The following CADM1 variants were observed in gnomAD, a reference collection of about 807,000 sequenced individuals.
CADM1 encodes TSLC-1.
Under a neutral mutation model 53.1 loss-of-function variants are expected in CADM1, and 15 were observed. That is an observed-to-expected ratio of 0.28 (90% CI 0.19 to 0.44). The LOEUF is 0.44. CADM1 is among the 20% of genes least tolerant of loss of function. CADM1 has a pLI of 1.00. For synonymous variants in CADM1, 281 were observed against 243.0 expected (o/e 1.16, Z -1.45); for missense variants, 434 against 611.3 (o/e 0.71, Z 3.06).
At chr11:115,462,497 G>A (rs1286348909) in intron 1 of CADM1, among the ~76,000 whole-genome samples, 2 of 152,050 alleles carry the variant, frequency 1.3e-5, no homozygotes, top group Admixed American at 6.5e-5. Flanking sequence ...AAGGTGTACC[G>A]ACATCATCAG....
chr11:115,324,708 A>G (rs2065839567), intron 1 of CADM1, among the ~76,000 whole-genome samples: 1 of 152,204 alleles, frequency 6.6e-6, no homozygotes, highest in African/African-American at 2.4e-5. Flanking sequence ...AGGAATGACC[A>G]ATGGAAGAAA....
At chr11:115,434,290 G>T (rs1012670760) in intron 1 of CADM1, among the ~76,000 whole-genome samples, 5 of 152,138 alleles carry the variant, frequency 3.3e-5, no homozygotes, top group Non-Finnish European at 7.3e-5. Flanking sequence ...TCTAACGAAG[G>T]TATCATACTC....
intron 6 of CADM1, among the ~76,000 whole-genome samples, chr11:115,215,539 T>C (rs1440594505): frequency 1.3e-5 from 2 of 152,156 alleles, no homozygotes; most frequent in African/African-American, 2.4e-5. Flanking sequence ...CTCAGGCTAA[T>C]CACCATGGCA....
intron 1 of CADM1, among the ~76,000 whole-genome samples, chr11:115,466,260 G>C (rs899445116): frequency 6.6e-6 from 1 of 152,204 alleles, no homozygotes; most frequent in African/African-American, 2.4e-5. Context: ...GCTGTGATTA[G>C]AGCATCTTTT....
chr11:115,217,815 G>T lies in CADM1; in HGVS notation c.821+77C>A, dbSNP rs749594354. 5.3e-5 allele frequency: 47 copies of T among 891,960 alleles called. 1 individual carries two copies. The highest frequency in any genetic ancestry group is 6.6e-5 in the African/African-American group (4 of 61,050). The allele number at this position is 891,960 out of a possible 1,614,324, so 55.3% of individuals were successfully genotyped here. ...AGCAGGAGACAGGTGACAGGCCAAGGACTGGTGAATGCACATGTCTGTGTT... is the reference window on the plus strand; with the variant it reads ...AGCAGGAGACAGGTGACAGGCCAAGTACTGGTGAATGCACATGTCTGTGTT... On this transcript the variant is annotated intron_variant, in intron 6 of 11. Coordinates refer to ENST00000331581, the MANE Select transcript of CADM1 (RefSeq NM_001301043.2).
chr11:115,305,900 CAAAAAAAA>C (rs35517673), intron 1 of CADM1, among the ~76,000 whole-genome samples: 1 of 80,816 alleles, frequency 1.2e-5, no homozygotes, highest in East Asian at 3.4e-4. Context: ...GACTCCATCT[CAAAAAAAA>C]AAAAAAAAAA....
chr11:115,414,436 T>G (rs1176626200), intron 1 of CADM1, among the ~76,000 whole-genome samples: 1 of 152,176 alleles, frequency 6.6e-6, no homozygotes, highest in Non-Finnish European at 1.5e-5. Flanking sequence ...TTATATTCTT[T>G]GTAGGTCTCT....
chr11:115,191,310 T>C (rs1429073857), intron 9 of CADM1, among the ~76,000 whole-genome samples: 2 of 152,224 alleles, frequency 1.3e-5, no homozygotes, highest in East Asian at 3.9e-4. Flanking sequence ...TACTGATGTA[T>C]GTACATTTTA....
At chr11:115,248,542 G>A (rs1419401274) in intron 1 of CADM1, among the ~76,000 whole-genome samples, 6 of 152,106 alleles carry the variant, frequency 3.9e-5, no homozygotes, top group African/African-American at 1.4e-4. Flanking sequence ...TATCAAAGAA[G>A]CTAATGGCAA....
chr11:115,428,417 T>C (rs1182472695), intron 1 of CADM1, among the ~76,000 whole-genome samples: 1 of 152,178 alleles, frequency 6.6e-6, no homozygotes, highest in African/African-American at 2.4e-5. Context: ...GGGACTCATT[T>C]ATATAAAAAA....
At chr11:115,279,797 T>A (rs1943540039) in intron 1 of CADM1, among the ~76,000 whole-genome samples, 1 of 152,198 alleles carries the variant, frequency 6.6e-6, no homozygotes, top group Non-Finnish European at 1.5e-5. Flanking sequence ...TAAGCGCAGA[T>A]CTTGCCATGG....
intron 7 of CADM1, among the ~76,000 whole-genome samples, chr11:115,211,925 A>G (rs1940984662): frequency 1.3e-5 from 2 of 151,448 alleles, no homozygotes; most frequent in South Asian, 4.2e-4. Flanking sequence ...ATGAAGACAC[A>G]GACTTCAGAG....
In CADM1 at chr11:115,368,110, C is replaced by CTTTTTT. The variant is rs58589028; in HGVS notation, c.125-127696_125-127691dup. On this transcript the variant is annotated intron_variant, in intron 1 of 11. Coordinates refer to ENST00000331581, the MANE Select transcript of CADM1 (RefSeq NM_001301043.2). ...AAAATGTCTTTATTATCACTAGAGT[C>CTTTTTT]TTTTTTTTTTTTTTTTTTTTTTTTT... Among the ~76,000 whole-genome samples the CTTTTTT allele has an allele frequency of 1.5e-3, 92 of 61,874 alleles. 3 individuals carry two copies. Among genetic ancestry groups the CTTTTTT allele is most frequent in the African/African-American group, 4.5e-3 (67 of 14,770 alleles). The allele number at this position is 61,874 out of a possible 152,430, so 40.6% of individuals were successfully genotyped here.
chr11:115,373,220 T>C (rs904487719), intron 1 of CADM1, among the ~76,000 whole-genome samples: 2 of 152,164 alleles, frequency 1.3e-5, no homozygotes, highest in African/African-American at 4.8e-5. Flanking sequence ...TCAACTTTAC[T>C]GTCAGATGCA....
intron 1 of CADM1, among the ~76,000 whole-genome samples, chr11:115,418,877 A>C (rs1398074754): frequency 1.3e-5 from 2 of 152,192 alleles, no homozygotes; most frequent in African/African-American, 4.8e-5. Context: ...ATATTTACAT[A>C]AACTATATAA....
chr11:115,378,718 T>C (rs1946500817), intron 1 of CADM1, among the ~76,000 whole-genome samples: 1 of 152,150 alleles, frequency 6.6e-6, no homozygotes, highest in East Asian at 1.9e-4. Context: ...CAAATTGCAG[T>C]GTCCATAAAT....
At chr11:115,368,454 C>CTT (rs1290243281) in intron 1 of CADM1, among the ~76,000 whole-genome samples, 11 of 152,088 alleles carry the variant, frequency 7.2e-5, no homozygotes, top group African/African-American at 2.4e-4. Context: ...CATAAGCAAA[C>CTT]ATTCATGAAA....
chr11:115,416,734 C>CACACACACAG (rs776727950), intron 1 of CADM1, among the ~76,000 whole-genome samples: 1 of 149,554 alleles, frequency 6.7e-6, no homozygotes, highest in African/African-American at 2.5e-5. Context: ...CACACACACA[C>CACACACACAG]AGATAGATAT....
chr11:115,248,793 A>G (rs1236179366), intron 1 of CADM1, among the ~76,000 whole-genome samples: 1 of 152,204 alleles, frequency 6.6e-6, no homozygotes, highest in African/African-American at 2.4e-5. Flanking sequence ...TAAAAGAGAG[A>G]GAAAAAAATC....
Sources: allele counts gnomAD v4.1 joint callset (sites outside exome capture counted in the v4.1 genomes callset), GRCh38; gene constraint gnomAD v4.1.1; transcripts MANE v1.5; gene names NCBI Gene and HGNC (gene_info 2026-07-23, HGNC 2026-07-21).